TBCE: variants seen among roughly 807,000 people sequenced by gnomAD.
TBCE encodes the protein tubulin-specific chaperone E.
A neutral mutation model predicts 77.0 loss-of-function variants in TBCE; 53 were observed. The observed-to-expected ratio is 0.69, with a 90% CI of 0.55 to 0.87. TBCE has a LOEUF of 0.87. Ranked by LOEUF, TBCE falls within the 40% of genes least tolerant of loss-of-function variation. The probability of loss-of-function intolerance (pLI) is 0.00; values close to 1 mark genes in which losing one functional copy is unlikely to be tolerated. For synonymous variants in TBCE, 235 were observed against 241.3 expected (o/e 0.97, Z 0.24); for missense variants, 624 against 622.4 (o/e 1.00, Z -0.03).
In TBCE at chr1:235,451,019, T is replaced by C. The variant is rs1682865114; in HGVS notation, c.*2257T>C. 6.6e-6 allele frequency: 1 copy of C among 152,168 alleles called. No homozygotes were observed. Among genetic ancestry groups the C allele is most frequent in the African/African-American group, 2.4e-5 (1 of 41,408 alleles). The allele number at this position is 152,168 out of a possible 1,614,324, so 9.4% of individuals were successfully genotyped here. A position where few individuals can be genotyped will look rare whatever the true frequency, so the allele number is the denominator to read the frequency against. On this transcript the variant is annotated 3_prime_UTR_variant, in exon 17 of 17. Transcript: ENST00000642610. Reference sequence around the variant, plus strand: ...TAAAATTAAAAACCTTTATAAAGCATGGCTCAACTCCGTGATCAAAGAAGA... The same window carrying C: ...TAAAATTAAAAACCTTTATAAAGCACGGCTCAACTCCGTGATCAAAGAAGA...
At chr1:235,423,000 A>G (rs1380581735) in intron 5 of TBCE, among the ~76,000 whole-genome samples, 2 of 152,242 alleles carry the variant, frequency 1.3e-5, no homozygotes, top group African/African-American at 4.8e-5. Flanking sequence ...GAAGATAATC[A>G]AGTCATGATT....
intron 7 of TBCE, chr1:235,432,814 G>C: frequency 3.5e-6 from 1 of 286,204 alleles, no homozygotes; most frequent in Non-Finnish European, 5.5e-6. Flanking sequence ...TTGAGGCCAG[G>C]AGTTCAAGAC....
chr1:235,381,690 A>T (rs1285356648), intron 2 of TBCE, among the ~76,000 whole-genome samples: 142 of 143,998 alleles, frequency 9.9e-4, no homozygotes, highest in African/African-American at 3.4e-3. Flanking sequence ...TTCTCCAAAA[A>T]AAAAAAAAAA....
chr1:235,405,110 A>G (rs960122468), intron 3 of TBCE, among the ~76,000 whole-genome samples: 17 of 151,456 alleles, frequency 1.1e-4, no homozygotes, highest in Admixed American at 4.6e-4. Context: ...CTACAGGCGC[A>G]TGTCACCATG....
chr1:235,369,231 G>A (rs375061918), intron 1 of TBCE, among the ~76,000 whole-genome samples: 2 of 152,260 alleles, frequency 1.3e-5, no homozygotes, highest in East Asian at 1.9e-4. Flanking sequence ...AAAGTCGGCC[G>A]GGCGTGGTGG....
chr1:235,388,134 A>G (rs1421061831), intron 2 of TBCE, among the ~76,000 whole-genome samples: 2 of 152,164 alleles, frequency 1.3e-5, no homozygotes, highest in Non-Finnish European at 2.9e-5. Flanking sequence ...TCAACTTTGA[A>G]TATTCCAATA....
intron 2 of TBCE, among the ~76,000 whole-genome samples, chr1:235,394,407 T>TC: frequency 6.7e-6 from 1 of 148,700 alleles, no homozygotes; most frequent in Non-Finnish European, 1.5e-5. Flanking sequence ...TTTGATAATT[T>TC]TTGATAATTT....
chr1:235,424,849 C>T (rs1034568254), intron 5 of TBCE, among the ~76,000 whole-genome samples: 3 of 152,166 alleles, frequency 2.0e-5, no homozygotes, highest in African/African-American at 7.2e-5. Flanking sequence ...CCGTGTTGGC[C>T]AGGCTGGTCT....
rs576558704 is a variant in TBCE, at chr1:235,445,297, G to T, written c.1399+2386G>T. Reference sequence around the variant, plus strand: ...TACTAATTCTTATGCCACATGCTGTGAATATTTAACCACTAACATAGGTAA... The same window carrying T: ...TACTAATTCTTATGCCACATGCTGTTAATATTTAACCACTAACATAGGTAA... On this transcript the variant is annotated intron_variant, in intron 15 of 16. Transcript: ENST00000642610. Among the ~76,000 whole-genome samples, 577 of 152,196 alleles carry T rather than the reference G, an allele frequency of 3.8e-3. 4 individuals carry two copies. The highest frequency in any genetic ancestry group is 0.013 in the African/African-American group (553 of 41,512).
Position 235,435,842 on chromosome 1 carries a change from T to C in TBCE, c.833+2T>C. The C allele has an allele frequency of 6.2e-7, 1 of 1,613,482 alleles. No individual in the cohort carries two copies. Among genetic ancestry groups the C allele is most frequent in the South Asian group, 1.1e-5 (1 of 91,064 alleles). On this transcript the variant is annotated splice_donor_variant, in intron 9 of 16. Transcript: ENST00000642610. LOFTEE classifies it high-confidence loss of function. The stretch of plus-strand genomic sequence containing the variant: ...GTATCTGATAGCCCACCTGCCCAGG[T>C]AATTTGCCCCTAAATGCCTGATACA...
Position 235,392,380 on chromosome 1 carries a change from T to C in TBCE, c.101-9123T>C, listed in dbSNP as rs140412990. Among the ~76,000 whole-genome samples the C allele has an allele frequency of 5.4e-3, 822 of 150,894 alleles. 8 individuals carry two copies. The highest frequency in any genetic ancestry group is 0.019 in the African/African-American group (798 of 41,134). On this transcript the variant is annotated intron_variant, in intron 2 of 16. Coordinates refer to ENST00000642610, the MANE Select transcript of TBCE (RefSeq NM_003193.5). ...AGAAAAAAGAAAGTTGTGATTCATA[T>C]TGTCAAATTGCTGAACAGAATTTTT...
At chr1:235,385,776 G>T (rs1677963836) in intron 2 of TBCE, among the ~76,000 whole-genome samples, 1 of 152,014 alleles carries the variant, frequency 6.6e-6, no homozygotes, top group Non-Finnish European at 1.5e-5. Flanking sequence ...TATCCAATTT[G>T]CCAGTCTGTG....
In TBCE at chr1:235,452,019, GT is replaced by G. The variant is rs5781831; in HGVS notation, c.*3268del. 0.73 allele frequency: 109,136 copies of G among 149,996 alleles called. 40,427 individuals are homozygous for G. Among genetic ancestry groups the G allele is most frequent in the African/African-American group, 0.89 (36,492 of 40,894 alleles). The allele number at this position is 149,996 out of a possible 1,614,324, so 9.3% of individuals were successfully genotyped here. On this transcript the variant is annotated 3_prime_UTR_variant, in exon 17 of 17. Transcript: ENST00000642610. ...CTCAATCAGTGGATTCTGTCGTTCA[GT>G]TTTTTTTTTTGAGACGGAGTCTCGC... is the stretch of plus-strand genomic sequence containing the variant.
intron 15 of TBCE, among the ~76,000 whole-genome samples, chr1:235,443,814 G>C (rs930696035): frequency 8.5e-5 from 13 of 152,108 alleles, no homozygotes; most frequent in African/African-American, 2.9e-4. Flanking sequence ...AAAAATTGTG[G>C]TACTGGAACT....
chr1:235,408,620 A>G (rs1449797349), intron 3 of TBCE, among the ~76,000 whole-genome samples: 1 of 152,218 alleles, frequency 6.6e-6, no homozygotes, highest in Non-Finnish European at 1.5e-5. Context: ...GCAAACAAAA[A>G]GAGCAGTCTA....
At chr1:235,407,525 G>A (rs1341679988) in intron 3 of TBCE, among the ~76,000 whole-genome samples, 2 of 152,130 alleles carry the variant, frequency 1.3e-5, no homozygotes, top group East Asian at 3.8e-4. Context: ...TTAGAGTCAC[G>A]GCAGATTGTT....
chr1:235,420,609 A>G (rs2102894118), intron 5 of TBCE, among the ~76,000 whole-genome samples: 1 of 151,852 alleles, frequency 6.6e-6, no homozygotes, highest in East Asian at 1.9e-4. Flanking sequence ...CAGCCTCCCA[A>G]GTAGCTGGGG....
chr1:235,413,713 A>T (rs1431325226), intron 3 of TBCE, among the ~76,000 whole-genome samples: 1 of 151,616 alleles, frequency 6.6e-6, no homozygotes, highest in Non-Finnish European at 1.5e-5. Context: ...TAGTGTTTAT[A>T]ATACAATTTT....
Position 235,414,576 on chromosome 1 carries a change from C to T in TBCE, c.329C>T (p.Pro110Leu), listed in dbSNP as rs1452950119. 5.0e-6 allele frequency: 8 copies of T among 1,613,626 alleles called. No homozygotes were observed. Among genetic ancestry groups the T allele is most frequent in the Non-Finnish European group, 3.4e-6 (4 of 1,179,982 alleles). ...CAAATTGTTACAATTGGAAATAAAC[C>T]TGTGGAGACTATCGGTTTTGACTCT... Reference protein sequence around the residue: ...KEQIVTIGNKPVETIGFDSIM... With the variant: ...KEQIVTIGNKLVETIGFDSIM... The change falls in exon 4 of 17, where the codon CCT becomes CTT. Residue 110 changes from proline (P) to leucine (L), a missense_variant. By Grantham distance (98) the Pro-to-Leu change is moderately conservative. Transcript: ENST00000642610.
Sources: gnomAD v4.1 joint callset for allele counts (sites outside exome capture counted in the v4.1 genomes callset) on GRCh38, gnomAD v4.1.1 for gene constraint, MANE v1.5 for transcripts, NCBI Gene and HGNC (gene_info 2026-07-23, HGNC 2026-07-21) for gene names.